The following APBB2 variants were observed in gnomAD, a reference collection of about 807,000 sequenced individuals.
The protein encoded by APBB2 is Fe65-like 1.
Under a neutral mutation model 82.5 loss-of-function variants are expected in APBB2, and 38 were observed. The ratio of observed to expected loss-of-function variants is 0.46; its 90% confidence interval spans 0.36 to 0.60. APBB2 has a LOEUF of 0.60. Ranked by LOEUF, APBB2 falls within the 20% of genes least tolerant of loss-of-function variation. The pLI, the probability that APBB2 is intolerant of heterozygous loss-of-function variation, is 0.00. For synonymous variants in APBB2, 341 were observed against 368.2 expected (o/e 0.93, Z 0.85); for missense variants, 772 against 972.3 (o/e 0.79, Z 2.74).
rs568410134 is a variant in APBB2 at position 41,000,737 on chromosome 4, T to G, written c.835+12846A>C. On this transcript the variant is annotated intron_variant, in intron 6 of 17. Coordinates refer to ENST00000508593, the MANE Select transcript of APBB2 (RefSeq NM_004307.2). ...AAGGTTAACATATCACATTCCAGATTATTACCAATCCAATAATCTTCCATT... is the reference window on the plus strand; with the variant it reads ...AAGGTTAACATATCACATTCCAGATGATTACCAATCCAATAATCTTCCATT... 2.0e-5 allele frequency among the ~76,000 whole-genome samples: 3 copies of G among 152,242 alleles called. No homozygotes were observed. In the East Asian group the frequency reaches 5.8e-4, roughly 29 times the overall value.
intron 6 of APBB2, among the ~76,000 whole-genome samples, chr4:40,949,833 G>T (rs1789582359): frequency 6.6e-6 from 1 of 152,178 alleles, no homozygotes; most frequent in African/African-American, 2.4e-5. Flanking sequence ...TGACGGATCT[G>T]CTTAGAGCTT....
intron 6 of APBB2, among the ~76,000 whole-genome samples, chr4:41,000,069 A>ATGTGTGTGTG (rs779111046): frequency 2.5e-3 from 324 of 130,670 alleles, no homozygotes; most frequent in Middle Eastern, 7.6e-3. Flanking sequence ...ATATGTGTGT[A>ATGTGTGTGTG]TGTGTGTGTG....
chr4:41,175,752 C>T (rs973754784), intron 1 of APBB2, among the ~76,000 whole-genome samples: 3 of 151,884 alleles, frequency 2.0e-5, no homozygotes, highest in Non-Finnish European at 4.4e-5. Context: ...TGGAATAATT[C>T]AATAAAAGTT....
At chr4:40,983,841 T>C (rs753715615) in intron 6 of APBB2, among the ~76,000 whole-genome samples, 39 of 152,180 alleles carry the variant, frequency 2.6e-4, no homozygotes, top group Non-Finnish European at 2.6e-4. Context: ...CCTCCCAAAG[T>C]GCTGGGGATA....
intron 1 of APBB2, among the ~76,000 whole-genome samples, chr4:41,164,578 A>G (rs1766005343): frequency 2.0e-5 from 3 of 152,242 alleles, no homozygotes; most frequent in Non-Finnish European, 4.4e-5. Flanking sequence ...TAAGTGTTTA[A>G]TAGATACTTT....
At chr4:40,865,512 A>C (rs1435836747) in intron 12 of APBB2, among the ~76,000 whole-genome samples, 1 of 152,216 alleles carries the variant, frequency 6.6e-6, no homozygotes, top group African/African-American at 2.4e-5. Flanking sequence ...CTGTCCCTGC[A>C]GTTTTGCCTT....
intron 1 of APBB2, among the ~76,000 whole-genome samples, chr4:41,208,802 T>C (rs932769191): frequency 2.0e-5 from 3 of 152,234 alleles, no homozygotes; most frequent in Non-Finnish European, 4.4e-5. Flanking sequence ...TTCTATACCA[T>C]TCATTTCTTT....
intron 2 of APBB2, among the ~76,000 whole-genome samples, chr4:41,122,144 T>C (rs976322777): frequency 3.9e-5 from 6 of 152,142 alleles, no homozygotes; most frequent in African/African-American, 1.2e-4. Flanking sequence ...CAGGCTGGTC[T>C]CAAACTCCTG....
At chr4:41,044,633 A>G (rs967982050) in intron 4 of APBB2, among the ~76,000 whole-genome samples, 1 of 152,174 alleles carries the variant, frequency 6.6e-6, no homozygotes, top group Non-Finnish European at 1.5e-5. Context: ...ACTGGCTCAC[A>G]TTTTGTTTCC....
At chr4:41,202,107 G>C (rs1282151799) in intron 1 of APBB2, among the ~76,000 whole-genome samples, 1 of 152,198 alleles carries the variant, frequency 6.6e-6, no homozygotes, top group Non-Finnish European at 1.5e-5. Flanking sequence ...TAAGTGTATA[G>C]TTCTGCAGCA....
At chr4:41,167,664 C>A (rs904351833) in intron 1 of APBB2, among the ~76,000 whole-genome samples, 2 of 152,208 alleles carry the variant, frequency 1.3e-5, no homozygotes, top group African/African-American at 4.8e-5. Flanking sequence ...GAGCCACCAG[C>A]CCCCATCCCT....
At chr4:41,164,477 T>G (rs2063614285) in intron 1 of APBB2, among the ~76,000 whole-genome samples, 1 of 152,202 alleles carries the variant, frequency 6.6e-6, no homozygotes, top group South Asian at 2.1e-4. Context: ...GGCGGCTCCT[T>G]TGATTCAGAA....
intron 10 of APBB2, 134 bp from the exon 11 acceptor site, chr4:40,893,545 CTAAT>C: frequency 1.3e-6 from 1 of 758,264 alleles, no homozygotes; most frequent in Non-Finnish European, 2.0e-6. Flanking sequence ...GTTCAATCAT[CTAAT>C]TGAGTTAACA....
At chr4:41,153,729 G>A (rs1560895978) in intron 1 of APBB2, among the ~76,000 whole-genome samples, 1 of 152,130 alleles carries the variant, frequency 6.6e-6, no homozygotes, top group Non-Finnish European at 1.5e-5. Flanking sequence ...GTTTCATGCA[G>A]ATCTAAAAAG....
At chr4:41,167,017 C>A (rs932776596) in intron 1 of APBB2, among the ~76,000 whole-genome samples, 4 of 152,204 alleles carry the variant, frequency 2.6e-5, no homozygotes, top group Admixed American at 6.5e-5. Context: ...TTGGGGGTTT[C>A]CACATAAGCC....
intron 6 of APBB2, among the ~76,000 whole-genome samples, chr4:40,962,970 T>A (rs1371953616): frequency 6.6e-6 from 1 of 152,230 alleles, no homozygotes; most frequent in East Asian, 1.9e-4. Context: ...AGAGGTTTCT[T>A]ATCTGCAGGG....
At chr4:41,193,126 C>T (rs192956239) in intron 1 of APBB2, among the ~76,000 whole-genome samples, 13 of 152,284 alleles carry the variant, frequency 8.5e-5, no homozygotes, top group Admixed American at 8.5e-4. Context: ...TTTCAGTTCA[C>T]CTATTTTATG....
At chr4:41,114,608 A>C (rs960970229) in intron 2 of APBB2, among the ~76,000 whole-genome samples, 1 of 152,242 alleles carries the variant, frequency 6.6e-6, no homozygotes, top group Non-Finnish European at 1.5e-5. Context: ...TAAGCTGATA[A>C]GCAACTTCCA....
At chr4:41,075,482 G>A (rs772151184) in intron 3 of APBB2, among the ~76,000 whole-genome samples, 1 of 152,152 alleles carries the variant, frequency 6.6e-6, no homozygotes, top group Non-Finnish European at 1.5e-5. Context: ...TTTGAGCATG[G>A]GAATGGAGAA....
Sources: gnomAD v4.1 joint callset for allele counts (sites outside exome capture counted in the v4.1 genomes callset) on GRCh38, gnomAD v4.1.1 for gene constraint, MANE v1.5 for transcripts, NCBI Gene and HGNC (gene_info 2026-07-23, HGNC 2026-07-21) for gene names.